The following DMD variants were observed in gnomAD, a reference collection of about 807,000 sequenced individuals.
The protein encoded by DMD is mutant dystrophin.
In DMD, 63 loss-of-function variants were observed where a neutral mutation model predicts 330.1. The ratio of observed to expected loss-of-function variants is 0.19; its 90% CI spans 0.16 to 0.24. DMD has a LOEUF of 0.24. Ranked by LOEUF, DMD falls within the 10% of genes least tolerant of loss-of-function variation. DMD has a pLI of 1.00. For synonymous variants in DMD, 1,223 were observed against 959.8 expected (o/e 1.27, Z -5.07); for missense variants, 3,344 against 2,684.1 (o/e 1.25, Z -5.43).
At chrX:32,751,581 T>C (rs1417694898) in intron 7 of DMD, among the ~76,000 whole-genome samples, 1 of 111,983 alleles carries the variant, frequency 8.9e-6, no homozygotes, top group Non-Finnish European at 1.9e-5. Context: ...AGCCTGACAA[T>C]GTGATAAAAA....
chrX:31,555,255 T>C (rs2074739465), intron 55 of DMD, among the ~76,000 whole-genome samples: 1 of 111,552 alleles, frequency 9.0e-6, no homozygotes, highest in African/African-American at 3.3e-5. Flanking sequence ...CTTGATGTCA[T>C]TGAATGAAGA....
chrX:33,014,817 T>C (rs189032960), intron 2 of DMD, among the ~76,000 whole-genome samples: 101 of 106,654 alleles, frequency 9.5e-4, no homozygotes, highest in African/African-American at 3.6e-3. Context: ...TGGGAATATT[T>C]TGTGTTTATA....
chrX:31,297,422 T>G (rs1316629924), intron 62 of DMD, among the ~76,000 whole-genome samples: 1 of 111,414 alleles, frequency 9.0e-6, no homozygotes, highest in Non-Finnish European at 1.9e-5. Flanking sequence ...ACATAGATTT[T>G]TATAAGGGAA....
intron 21 of DMD, among the ~76,000 whole-genome samples, chrX:32,475,023 G>A (rs2041082175): frequency 9.0e-6 from 1 of 111,171 alleles, no homozygotes; most frequent in Non-Finnish European, 1.9e-5. Context: ...ATCTTTAGTT[G>A]GTTTTTGTAT....
intron 49 of DMD, among the ~76,000 whole-genome samples, chrX:31,833,333 GGAGAGAGT>G (rs1413896935): frequency 0.013 from 453 of 35,653 alleles, 1 homozygote; most frequent in African/African-American, 0.015. Context: ...AGGGAGAGAG[GGAGAGAGT>G]GGAGAGGGAG....
intron 20 of DMD, among the ~76,000 whole-genome samples, chrX:32,488,409 A>T (rs192953703): frequency 9.0e-6 from 1 of 111,660 alleles, no homozygotes; most frequent in East Asian, 2.8e-4. Flanking sequence ...AGTTCTGCCG[A>T]TCATTAGAAT....
At chrX:32,138,380 C>A (rs2096737387) in intron 44 of DMD, among the ~76,000 whole-genome samples, 1 of 111,265 alleles carries the variant, frequency 9.0e-6, no homozygotes, top group African/African-American at 3.3e-5. Context: ...CATGAATTCA[C>A]CTGTCAAATG....
chrX:32,087,301 T>A (rs1174347073), intron 44 of DMD, among the ~76,000 whole-genome samples: 1 of 111,682 alleles, frequency 9.0e-6, no homozygotes, highest in African/African-American at 3.3e-5. Flanking sequence ...TCAGTCATTA[T>A]TTCAGGGTCT....
intron 1 of DMD, among the ~76,000 whole-genome samples, chrX:33,109,285 G>T (rs1428051370): frequency 1.8e-5 from 2 of 111,527 alleles, no homozygotes; most frequent in Non-Finnish European, 3.8e-5. Flanking sequence ...GAGGATTATT[G>T]GAAAAGTTAA....
chrX:32,248,696 G>A (rs190996869), intron 43 of DMD, among the ~76,000 whole-genome samples: 263 of 110,069 alleles, frequency 2.4e-3, no homozygotes, highest in Non-Finnish European at 4.1e-3. Flanking sequence ...TAGTAACCAC[G>A]TAATTAATTA....
intron 2 of DMD, among the ~76,000 whole-genome samples, chrX:32,896,775 G>T (rs1420198820): frequency 1.8e-5 from 2 of 112,573 alleles, no homozygotes; most frequent in African/African-American, 6.5e-5. Context: ...TTTAAGAAAA[G>T]TGTCTTTGCC....
chrX:31,584,735 A>G (rs1459272630), intron 55 of DMD, among the ~76,000 whole-genome samples: 1 of 111,448 alleles, frequency 9.0e-6, no homozygotes, highest in African/African-American at 3.3e-5. Flanking sequence ...GACACTAGGT[A>G]CAGGTGGAGG....
intron 34 of DMD, among the ~76,000 whole-genome samples, chrX:32,369,193 A>T (rs1358578279): frequency 8.9e-6 from 1 of 111,826 alleles, no homozygotes; most frequent in Non-Finnish European, 1.9e-5. Flanking sequence ...TCCAAATACT[A>T]AGCACTAACT....
chrX:31,521,161 C>CT (rs751038046), intron 55 of DMD, among the ~76,000 whole-genome samples: 4,746 of 100,216 alleles, frequency 0.047, 165 homozygotes, highest in Admixed American at 0.16. Context: ...ATGAGAATGA[C>CT]TTTTTTTTTT....
chrX:31,173,314 T>A (rs1323654258), intron 72 of DMD, among the ~76,000 whole-genome samples: 2 of 111,467 alleles, frequency 1.8e-5, no homozygotes, highest in Non-Finnish European at 3.8e-5. Flanking sequence ...CTACCGGAAA[T>A]GTTTAAAAGC....
chrX:31,295,419 TTTTG>T (rs764149867), intron 62 of DMD, among the ~76,000 whole-genome samples: 38 of 110,975 alleles, frequency 3.4e-4, no homozygotes, highest in Non-Finnish European at 5.9e-4. Flanking sequence ...AATTCAATAT[TTTTG>T]TTTGTTTGTT....
rs1232603292 is a variant in DMD at position 31,292,559 on chromosome X, AAAGC to A, written c.9224+31035_9224+31038del. Among the ~76,000 whole-genome samples, 141 of 111,930 alleles carry A rather than the reference AAAGC, an allele frequency of 1.3e-3. 1 individual carries two copies. Among genetic ancestry groups the A allele is most frequent in the African/African-American group, 4.0e-3 (124 of 30,831 alleles). Reference sequence around the variant, plus strand: ...CTTTGGAAAACCAGGAGTATCTACTAAAGCTCAGCATATGCCTACCCTCAACATA... The same window carrying A: ...CTTTGGAAAACCAGGAGTATCTACTATCAGCATATGCCTACCCTCAACATA... On this transcript the variant is annotated intron_variant, in intron 62 of 78. Coordinates refer to ENST00000357033, the MANE Select transcript of DMD (RefSeq NM_004006.3).
At chrX:32,923,881 T>G (rs1029382160) in intron 2 of DMD, among the ~76,000 whole-genome samples, 1 of 111,719 alleles carries the variant, frequency 9.0e-6, no homozygotes, top group Admixed American at 9.5e-5. Context: ...AGAAATACAT[T>G]TAAAATAAGA....
chrX:32,417,993 A>G (rs2098172753), intron 29 of DMD, among the ~76,000 whole-genome samples: 1 of 110,685 alleles, frequency 9.0e-6, no homozygotes, highest in African/African-American at 3.3e-5. Flanking sequence ...GAGGTGTAAG[A>G]TGGAATCTAA....
Sources: allele counts gnomAD v4.1 joint callset (sites outside exome capture counted in the v4.1 genomes callset), GRCh38; gene constraint gnomAD v4.1.1; transcripts MANE v1.5; gene names NCBI Gene and HGNC (gene_info 2026-07-23, HGNC 2026-07-21).